The following ZBTB38 variants were observed in gnomAD, a reference collection of about 807,000 sequenced individuals.
ZBTB38 encodes zinc finger and BTB domain-containing protein 38.
ZBTB38 carries 20 observed loss-of-function variants against 76.8 expected under a neutral mutation model. The ratio of observed to expected loss-of-function variants is 0.26; its 90% CI spans 0.18 to 0.38. The LOEUF (loss-of-function observed/expected upper bound fraction) is 0.38. ZBTB38 is among the 10% of genes least tolerant of loss of function. ZBTB38 has a pLI of 1.00. For missense variants in ZBTB38, 1,082 were observed against 1,482.3 expected (o/e 0.73, Z 4.43); for synonymous variants, 504 against 544.2 (o/e 0.93, Z 1.03).
At chr3:141,326,338 G>T (rs1187773067) in intron 1 of ZBTB38, among the ~76,000 whole-genome samples, 2 of 152,186 alleles carry the variant, frequency 1.3e-5, no homozygotes, top group Non-Finnish European at 2.9e-5. Context: ...GAGGAAAAGA[G>T]AATGAGAGAA....
In ZBTB38 at chr3:141,445,851, C is replaced by G; in HGVS notation, c.3463C>G (p.Gln1155Glu). ...KKHLFKSPSQ[Q>E]EKIGDVCHEN... ...ACACTTATTCAAAAGCCCAAGTCAG[C>G]AGGAGAAAATAGGTGACGTGTGCCA... Residue 1155 changes from glutamine (Q) to glutamate (E), a missense_variant, in exon 6 of 6, where the codon CAG becomes GAG. Gln to Glu is a conservative substitution (Grantham distance 29). Around this residue, in one of 8 missense-constraint regions of ZBTB38, gnomAD observed 54 missense variants for 57.9 expected, o/e 0.93. Transcript: ENST00000321464. The surrounding 1 kb of genome is among the most constrained non-coding windows in gnomAD (Gnocchi z 6.5). The G allele has an allele frequency of 2.5e-6, 4 of 1,613,822 alleles. No individual in the cohort carries two copies. Among genetic ancestry groups the G allele is most frequent in the Non-Finnish European group, 3.4e-6 (4 of 1,180,024 alleles).
intron 1 of ZBTB38, among the ~76,000 whole-genome samples, chr3:141,335,281 G>T (rs191511855): frequency 1.0e-3 from 157 of 152,322 alleles, no homozygotes; most frequent in Admixed American, 3.4e-3. Flanking sequence ...GTAGTGTTTA[G>T]AACTGTGTCT....
intron 1 of ZBTB38, among the ~76,000 whole-genome samples, chr3:141,341,687 A>T (rs927762393): frequency 6.6e-6 from 1 of 152,260 alleles, no homozygotes; most frequent in Non-Finnish European, 1.5e-5. Flanking sequence ...ACCAAGGGAA[A>T]GTCTTCCAAG....
chr3:141,431,626 A>G (rs2077636339), intron 5 of ZBTB38: 1 of 152,010 alleles, frequency 6.6e-6, no homozygotes, highest in Non-Finnish European at 1.5e-5. Context: ...GGCCCATTGC[A>G]TCATTCATGA....
chr3:141,371,199 C>T (rs1442655677), intron 2 of ZBTB38, among the ~76,000 whole-genome samples: 2 of 151,500 alleles, frequency 1.3e-5, no homozygotes, highest in South Asian at 2.1e-4. Context: ...ACTGCAGGCA[C>T]GCACCACCAC....
In ZBTB38 at chr3:141,444,322, C is replaced by G; in HGVS notation, c.1934C>G (p.Ala645Gly). The G allele has an allele frequency of 1.2e-5, 20 of 1,614,152 alleles. No homozygotes were observed. The highest frequency in any genetic ancestry group is 1.7e-5 in the Non-Finnish European group (20 of 1,180,028). The change falls in exon 6 of 6, where the codon GCC becomes GGC. Residue 645 changes from alanine (A) to glycine (G), a missense_variant. Ala to Gly is a moderately conservative substitution (Grantham distance 60). Transcript: ENST00000321464. This position sits in a 1 kb window ranked among gnomAD's most constrained non-coding sequence, Gnocchi z 5.1. ...TSACQDIPTSANVQNAEGTKW... is the reference protein window; with the variant it reads ...TSACQDIPTSGNVQNAEGTKW... ...GCATGTCAGGACATACCCACTTCTG[C>G]CAATGTACAAAATGCAGAGGGTACC... is the stretch of plus-strand genomic sequence containing the variant.
chr3:141,351,740 A>T (rs1319681566), intron 1 of ZBTB38, among the ~76,000 whole-genome samples: 1 of 148,164 alleles, frequency 6.7e-6, no homozygotes, highest in African/African-American at 2.4e-5. Context: ...AAAAAAAAAA[A>T]AAAGTATTGT....
chr3:141,431,366 C>G (rs1448628276), intron 5 of ZBTB38, among the ~76,000 whole-genome samples: 1 of 135,620 alleles, frequency 7.4e-6, no homozygotes. Flanking sequence ...TTGGGGGGGA[C>G]TCTGAGTGTC....
chr3:141,391,578 G>T (rs1948888666), intron 4 of ZBTB38, among the ~76,000 whole-genome samples: 1 of 152,220 alleles, frequency 6.6e-6, no homozygotes, highest in Admixed American at 6.5e-5. Context: ...AGAGTACATT[G>T]CAGTGCTAGG....
chr3:141,371,077 A>G (rs1292416453), intron 2 of ZBTB38, among the ~76,000 whole-genome samples: 1 of 51,254 alleles, frequency 2.0e-5, no homozygotes, highest in Admixed American at 2.0e-4. Context: ...TTTTTGAGGC[A>G]GAGTCTCACT....
At chr3:141,330,795 G>A (rs911708710) in intron 1 of ZBTB38, among the ~76,000 whole-genome samples, 6 of 152,174 alleles carry the variant, frequency 3.9e-5, no homozygotes, top group African/African-American at 1.2e-4. Flanking sequence ...CACAGGAGGG[G>A]AACTGGTGGT....
intron 1 of ZBTB38, among the ~76,000 whole-genome samples, chr3:141,337,066 T>C (rs1943035263): frequency 6.6e-6 from 1 of 152,196 alleles, no homozygotes; most frequent in African/African-American, 2.4e-5. Context: ...GACGCCCACT[T>C]CCAGTTCTAG....
chr3:141,345,829 T>C (rs574971581), intron 1 of ZBTB38, among the ~76,000 whole-genome samples: 2 of 152,026 alleles, frequency 1.3e-5, no homozygotes, highest in East Asian at 3.9e-4. Flanking sequence ...AGCTTAGTTT[T>C]CCCCCAGGCC....
intron 5 of ZBTB38, among the ~76,000 whole-genome samples, chr3:141,419,538 C>G (rs575716460): frequency 9.2e-5 from 14 of 152,184 alleles, no homozygotes; most frequent in Non-Finnish European, 1.9e-4. Flanking sequence ...GTCACAAGAT[C>G]AGGACTGAAA....
chr3:141,346,550 G>A (rs1435633044), intron 1 of ZBTB38, among the ~76,000 whole-genome samples: 1 of 152,128 alleles, frequency 6.6e-6, no homozygotes, highest in African/African-American at 2.4e-5. Flanking sequence ...AGGATGAAAA[G>A]GGCAGCGCGG....
At chr3:141,440,837 C>T (rs1466591862) in intron 5 of ZBTB38, among the ~76,000 whole-genome samples, 2 of 151,720 alleles carry the variant, frequency 1.3e-5, no homozygotes, top group South Asian at 4.2e-4. Flanking sequence ...AGATCGAGAC[C>T]ATCCTGGCCA....
intron 4 of ZBTB38, chr3:141,402,419 A>G (rs1005421352): frequency 5.3e-5 from 8 of 151,128 alleles, no homozygotes; most frequent in African/African-American, 1.9e-4. Context: ...ACCCCCGGGG[A>G]AACGCGCCGG....
intron 2 of ZBTB38, among the ~76,000 whole-genome samples, chr3:141,379,593 C>G (rs1331780351): frequency 6.6e-6 from 1 of 152,182 alleles, no homozygotes; most frequent in African/African-American, 2.4e-5. Flanking sequence ...AGAAAGGTGA[C>G]AATTTTAATC....
intron 5 of ZBTB38, among the ~76,000 whole-genome samples, chr3:141,424,650 G>A (rs913150854): frequency 1.4e-4 from 16 of 114,600 alleles, no homozygotes; most frequent in African/African-American, 6.4e-4. Context: ...GTGTGTGTGC[G>A]TGTGTGTGTG....
Sources: gnomAD v4.1 joint callset for allele counts (sites outside exome capture counted in the v4.1 genomes callset) on GRCh38, gnomAD v4.1.1 for gene constraint, gnomAD v4.1.1 regional missense constraint, Gnocchi (gnomAD v3.1) non-coding constraint, MANE v1.5 for transcripts, NCBI Gene and HGNC (gene_info 2026-07-23, HGNC 2026-07-21) for gene names.